The following CCDC146 variants were observed in gnomAD, a reference collection of about 807,000 sequenced individuals.
CCDC146 encodes the protein coiled-coil domain-containing protein 146.
CCDC146 carries 92 observed loss-of-function variants against 119.3 expected under a neutral mutation model. The ratio of observed to expected loss-of-function variants is 0.77; its 90% CI spans 0.65 to 0.92. The LOEUF (loss-of-function observed/expected upper bound fraction) is 0.92. Ranked by LOEUF, CCDC146 falls within the 40% of genes least tolerant of loss-of-function variation. The probability of loss-of-function intolerance (pLI) is 0.00; values close to 1 mark genes in which losing one functional copy is unlikely to be tolerated. For missense variants in CCDC146, 1,000 were observed against 1,103.0 expected, an observed-to-expected ratio of 0.91 and a Z score of 1.32; for synonymous variants, 372 against 371.8, an observed-to-expected ratio of 1.00 and a Z score of -0.01.
At chr7:77,138,485 A>C (rs1326312762) in intron 1 of CCDC146, among the ~76,000 whole-genome samples, 2 of 152,196 alleles carry the variant, frequency 1.3e-5, no homozygotes, top group Non-Finnish European at 2.9e-5. Flanking sequence ...AATACTTTTT[A>C]GATACAACTC....
chr7:77,232,665 G>A (rs550758229), intron 2 of CCDC146, among the ~76,000 whole-genome samples: 397 of 152,300 alleles, frequency 2.6e-3, no homozygotes, highest in Non-Finnish European at 4.5e-3. Flanking sequence ...GGGGATATGG[G>A]GAACTCTGAT....
chr7:77,174,535 G>A (rs1486440756), intron 2 of CCDC146, among the ~76,000 whole-genome samples: 1 of 152,132 alleles, frequency 6.6e-6, no homozygotes, highest in African/African-American at 2.4e-5. Context: ...AATGAGGTTG[G>A]TAACTTGCAG....
intron 1 of CCDC146, among the ~76,000 whole-genome samples, chr7:77,143,259 G>A (rs1385072000): frequency 6.6e-6 from 1 of 150,510 alleles, no homozygotes; most frequent in Non-Finnish European, 1.5e-5. Context: ...TGTTGATGGG[G>A]TTGTTTGATT....
intron 2 of CCDC146, among the ~76,000 whole-genome samples, chr7:77,214,482 C>T (rs1222558132): frequency 6.6e-6 from 1 of 151,998 alleles, no homozygotes; most frequent in African/African-American, 2.4e-5. Flanking sequence ...GTTGTTGTTG[C>T]ATTTGCTTTT....
chr7:77,150,192 A>C (rs1349567910), intron 1 of CCDC146, among the ~76,000 whole-genome samples: 2 of 152,140 alleles, frequency 1.3e-5, no homozygotes, highest in Non-Finnish European at 2.9e-5. Context: ...AAAATATAAA[A>C]AGTGTGAACC....
At chr7:77,132,553 C>A (rs373980234) in intron 1 of CCDC146, among the ~76,000 whole-genome samples, 909 of 106,954 alleles carry the variant, frequency 8.5e-3, no homozygotes, top group Non-Finnish European at 9.3e-3. Context: ...TCGATCTCTA[C>A]AAAAAAAAAA....
At chr7:77,274,776 G>C (rs1793598674) in intron 11 of CCDC146, 124 bp downstream of exon 11, 1 of 731,256 alleles carries the variant, frequency 1.4e-6, no homozygotes, top group African/African-American at 1.8e-5. Context: ...ACTATCGCAA[G>C]GACAAAAAAC....
chr7:77,160,559 G>A (rs1425099336), intron 1 of CCDC146, among the ~76,000 whole-genome samples: 2 of 152,068 alleles, frequency 1.3e-5, no homozygotes, highest in African/African-American at 4.8e-5. Flanking sequence ...CTCATGATTT[G>A]GCTCTCTGTT....
At position 77,294,449 on chromosome 7, in the gene CCDC146, G is replaced by A. The variant is rs1794006156; in HGVS notation, c.2665-214G>A. 2.7e-5 allele frequency among the ~76,000 whole-genome samples: 4 copies of A among 146,106 alleles called. No individual in the cohort carries two copies. In the Admixed American group the frequency reaches 2.7e-4, roughly 10 times the overall value. ...GTGATGCTGAAGCAATACAGCCCAT[G>A]CCAATGAGAGGTAGGTGTGTGTGTG... On this transcript the variant is annotated intron_variant, in intron 18 of 18. Transcript: ENST00000285871.
chr7:77,216,681 G>A (rs554881751), intron 2 of CCDC146, among the ~76,000 whole-genome samples: 2 of 152,276 alleles, frequency 1.3e-5, no homozygotes, highest in East Asian at 3.9e-4. Context: ...TTTCTCATTT[G>A]TCTACATTAC....
At position 77,287,438 on chromosome 7, in the gene CCDC146, A is replaced by G. The variant is rs759092966; in HGVS notation, c.2278-2A>G. 1.2e-6 allele frequency: 2 copies of G among 1,613,862 alleles called. No homozygotes were observed. Among genetic ancestry groups the G allele is most frequent in the Admixed American group, 3.3e-5 (2 of 59,944 alleles). On this transcript the variant is annotated splice_acceptor_variant, in intron 16 of 18. Coordinates refer to ENST00000285871, the MANE Select transcript of CCDC146 (RefSeq NM_020879.3). LOFTEE classifies it high-confidence loss of function. ...TCCTCTTGAACCAATTTTCAAACAT[A>G]GCTGGAACTACAACTGGCCAAGAAG...
chr7:77,199,535 C>T, intron 2 of CCDC146: 1 of 1,614,102 alleles, frequency 6.2e-7, no homozygotes, highest in Non-Finnish European at 8.5e-7. Context: ...TTTACGATTT[C>T]CTTGAGGTTT....
At chr7:77,186,886 T>C (rs962614682) in intron 2 of CCDC146, among the ~76,000 whole-genome samples, 2 of 152,174 alleles carry the variant, frequency 1.3e-5, no homozygotes, top group African/African-American at 4.8e-5. Context: ...GCTCGGTGTT[T>C]GTCTTGTTTG....
chr7:77,278,913 A>G lies in CCDC146; in HGVS notation c.1530-24A>G, dbSNP rs367924596. 11 of 1,603,560 alleles carry G rather than the reference A, an allele frequency of 6.9e-6. No individual in the cohort carries two copies. In the African/African-American group the frequency reaches 1.2e-4, roughly 18 times the overall value. On this transcript the variant is annotated intron_variant, in intron 12 of 18. Transcript: ENST00000285871. Reference sequence around the variant, plus strand: ...ACCTGATGTTCATTTCATAAGTTTCAGTAAACACTTTGTATTTTTACAGAC... The same window carrying G: ...ACCTGATGTTCATTTCATAAGTTTCGGTAAACACTTTGTATTTTTACAGAC...
At chr7:77,181,097 G>A (rs1791580037) in intron 2 of CCDC146, among the ~76,000 whole-genome samples, 2 of 152,332 alleles carry the variant, frequency 1.3e-5, no homozygotes, top group South Asian at 4.1e-4. Flanking sequence ...CACAGTTCCT[G>A]AAGGAAGGGA....
intron 1 of CCDC146, among the ~76,000 whole-genome samples, chr7:77,152,566 A>ATGGT (rs1242265687): frequency 2.6e-5 from 4 of 152,232 alleles, no homozygotes; most frequent in Admixed American, 2.6e-4. Context: ...CTTTTCTTTA[A>ATGGT]TGGTGTTCCT....
Position 77,196,755 on chromosome 7 carries a change from A to G in CCDC146, c.156+28931A>G, listed in dbSNP as rs1202978992. ...TGAATTTTATCGTTCCCCAGCCAAA[A>G]TTCCCTTCTGAGGTTTCCAAAGCCT... On this transcript the variant is annotated intron_variant, in intron 2 of 18. Transcript: ENST00000285871. The surrounding 1 kb of genome is among the most constrained non-coding windows in gnomAD (Gnocchi z 4.2). The G allele has an allele frequency of 6.2e-7, 1 of 1,614,092 alleles. No individual in the cohort carries two copies.
intron 17 of CCDC146, among the ~76,000 whole-genome samples, chr7:77,287,803 A>G (rs1447866575): frequency 6.6e-6 from 1 of 152,192 alleles, no homozygotes; most frequent in Admixed American, 6.5e-5. Context: ...TTTAAATGAC[A>G]CTATACAAGT....
At chr7:77,190,242 C>T (rs1392078691) in intron 2 of CCDC146, among the ~76,000 whole-genome samples, 3 of 152,242 alleles carry the variant, frequency 2.0e-5, no homozygotes, top group Admixed American at 6.5e-5. Flanking sequence ...AACTATTAGA[C>T]TCAAACATGT....
Sources: allele counts gnomAD v4.1 joint callset (sites outside exome capture counted in the v4.1 genomes callset), GRCh38; gene constraint gnomAD v4.1.1; non-coding constraint Gnocchi (gnomAD v3.1); transcripts MANE v1.5; gene names NCBI Gene and HGNC (gene_info 2026-07-23, HGNC 2026-07-21).